Variants in VARS1 observed in about 807,000 individuals in gnomAD.
VARS1 encodes the protein valine--tRNA ligase.
Under a neutral mutation model 161.0 loss-of-function variants are expected in VARS1, and 92 were observed. That is an observed-to-expected ratio of 0.57 (90% CI 0.48 to 0.68). The LOEUF (loss-of-function observed/expected upper bound fraction) is 0.68, where lower values mean the gene tolerates loss of function less well. VARS1 is among the 30% of genes least tolerant of loss of function. The pLI, the probability that VARS1 is intolerant of heterozygous loss-of-function variation, is 0.00. For synonymous variants in VARS1, 595 were observed against 682.5 expected (o/e 0.87, Z 2.00); for missense variants, 1,338 against 1,695.9 (o/e 0.79, Z 3.71).
chr6:31,790,181 C>T (rs948457482), intron 8 of VARS1, among the ~76,000 whole-genome samples: 2 of 151,620 alleles, frequency 1.3e-5, no homozygotes, highest in African/African-American at 4.8e-5. Context: ...CATTCAAAGC[C>T]GTCCTGGGCC....
intron 13 of VARS1, 36 bp from the exon 14 acceptor site, chr6:31,783,222 G>A (rs1813278919): frequency 6.2e-7 from 1 of 1,600,472 alleles, no homozygotes; most frequent in Non-Finnish European, 8.5e-7. Context: ...GCATGAAGCA[G>A]GGCCAGACGC....
rs1196059203 is a variant in VARS1, at chr6:31,783,110, A to C, written c.1748T>G (p.Met583Arg). Residue 583 changes from methionine to arginine, a missense_variant, in exon 14 of 30, where the codon ATG becomes AGG. This residue lies in a region of VARS1 where 902 missense variants were observed against 1,090.3 expected (regional missense o/e 0.83). Coordinates refer to ENST00000375663, the MANE Select transcript of VARS1 (RefSeq NM_006295.3). ...CCCTTGCCCACCTGTGCCAAAGTCC[A>C]TGTCCACAAATTCATCGAAGACAAT... ...LPIVFDEFVD[M>R]DFGTGAVKIT... 6.2e-7 allele frequency: 1 copy of C among 1,612,518 alleles called. No individual in the cohort carries two copies. The highest frequency in any genetic ancestry group is 2.2e-5 in the East Asian group (1 of 44,896).
At position 31,782,508 on chromosome 6, in the gene VARS1, C is replaced by T. The variant is rs367760608; in HGVS notation, c.1991+22G>A. On this transcript the variant is annotated intron_variant, in intron 16 of 29. Coordinates refer to ENST00000375663, the MANE Select transcript of VARS1 (RefSeq NM_006295.3). The surrounding 1 kb of genome is among the most constrained non-coding windows in gnomAD (Gnocchi z 8.3). ...CCTGAGGAGCCCTCCATCTTCCTCC[C>T]GTCCCAGGCCCCCACCCTCACTTGC... 52 of 1,612,924 alleles carry T rather than the reference C, an allele frequency of 3.2e-5. No individual in the cohort carries two copies. The African/African-American group carries it at 5.5e-4, about 17-fold the overall frequency.
rs1226063376 is a variant in VARS1, at chr6:31,785,638, T to A, written c.1196A>T (p.Glu399Val). 6.2e-7 allele frequency: 1 copy of A among 1,613,020 alleles called. No individual in the cohort carries two copies. Among genetic ancestry groups the A allele is most frequent in the Non-Finnish European group, 8.5e-7 (1 of 1,180,014 alleles). Residue 399 changes from glutamate (E) to valine (V), a missense_variant, in exon 9 of 30, where the codon GAG (glutamate) becomes GTG (valine). Physicochemically the swap from Glu to Val is moderately radical, Grantham distance 121 (BLOSUM62 -2). This residue lies in a region of VARS1 where 902 missense variants were observed against 1,090.3 expected (regional missense o/e 0.83). Transcript: ENST00000375663. This position sits in a 1 kb window ranked among gnomAD's most constrained non-coding sequence, Gnocchi z 6.1. ...QVVVEKKLWR[E>V]QGLSRHQLGR... ...CAGCTGGTGCCGGCTCAGTCCCTGCTCACGCCATAGCTTCTTCTCCACCAC... is the reference window on the plus strand; with the variant it reads ...CAGCTGGTGCCGGCTCAGTCCCTGCACACGCCATAGCTTCTTCTCCACCAC...
At position 31,791,540 on chromosome 6, in the gene VARS1, G is replaced by C; in HGVS notation, c.1100+70C>G. 2 of 1,534,414 alleles carry C rather than the reference G, an allele frequency of 1.3e-6. No individual in the cohort carries two copies. Among genetic ancestry groups the C allele is most frequent in the South Asian group, 2.6e-5 (2 of 77,896 alleles). On this transcript the variant is annotated intron_variant, in intron 8 of 29. Coordinates refer to ENST00000375663, the MANE Select transcript of VARS1 (RefSeq NM_006295.3). This position sits in a 1 kb window ranked among gnomAD's most constrained non-coding sequence, Gnocchi z 5.0. ...AACCCAGAAGGAGAGAGGCTCGGGG[G>C]GCTGTCAGGGAAAAGGAGAGAGCCA...
chr6:31,783,090 G>A lies in VARS1; in HGVS notation c.1762+6C>T. On this transcript the variant is annotated splice_donor_region_variant and intron_variant, in intron 14 of 29. Coordinates refer to ENST00000375663, the MANE Select transcript of VARS1 (RefSeq NM_006295.3). ...CCTCTCCCCACAGGACCAGCCCCTT[G>A]CCCACCTGTGCCAAAGTCCATGTCC... is the stretch of plus-strand genomic sequence containing the variant. 6.2e-7 allele frequency: 1 copy of A among 1,612,134 alleles called. No individual in the cohort carries two copies. The highest frequency in any genetic ancestry group is 8.5e-7 in the Non-Finnish European group (1 of 1,179,644).
At chr6:31,787,241 T>C (rs1281913880) in intron 8 of VARS1, among the ~76,000 whole-genome samples, 1 of 151,778 alleles carries the variant, frequency 6.6e-6, no homozygotes, top group Non-Finnish European at 1.5e-5. Context: ...AACAAATAAA[T>C]AAAAATAAAA....
At position 31,779,981 on chromosome 6, in the gene VARS1, G is replaced by C; in HGVS notation, c.3081+17C>G. ...ACCTGCCCCCACCATCCCCTGCCCC[G>C]CTGTGCTCCTTCTCACCAAGTAGAC... On this transcript the variant is annotated intron_variant, in intron 26 of 29. Coordinates refer to ENST00000375663, the MANE Select transcript of VARS1 (RefSeq NM_006295.3). The surrounding 1 kb of genome is among the most constrained non-coding windows in gnomAD (Gnocchi z 9.1). 1.2e-6 allele frequency: 2 copies of C among 1,613,198 alleles called. No individual in the cohort carries two copies. The highest frequency in any genetic ancestry group is 1.7e-6 in the Non-Finnish European group (2 of 1,179,790).
Position 31,784,554 on chromosome 6 carries a change from G to C in VARS1, c.1467+41C>G, listed in dbSNP as rs775547474. On this transcript the variant is annotated intron_variant, in intron 11 of 29. Coordinates refer to ENST00000375663, the MANE Select transcript of VARS1 (RefSeq NM_006295.3). This position sits in a 1 kb window ranked among gnomAD's most constrained non-coding sequence, Gnocchi z 6.1. ...GCCCAGGGGCCAGGGCCAGGGCCAG[G>C]GTAGATTGGAGATGGAGACAGGCCA... The C allele has an allele frequency of 9.3e-6, 15 of 1,613,456 alleles. No individual in the cohort carries two copies. Among genetic ancestry groups the C allele is most frequent in the Non-Finnish European group, 1.2e-5 (14 of 1,180,050 alleles).
chr6:31,782,112 C>T lies in VARS1; in HGVS notation c.2216G>A (p.Ser739Asn). Reference sequence around the variant, plus strand: ...CTCCCCAGGGGGCACCGCTGGGTCACTGACAGTGACAAAGTAGGCTGGGAT... The same window carrying T: ...CTCCCCAGGGGGCACCGCTGGGTCATTGACAGTGACAAAGTAGGCTGGGAT... ...HRIPAYFVTVSDPAVPPGEDP... is the reference protein window; with the variant it reads ...HRIPAYFVTVNDPAVPPGEDP... Residue 739 changes from serine (S) to asparagine (N), a missense_variant, in exon 18 of 30, where the codon AGT becomes AAT. By Grantham distance (46) the Ser-to-Asn change is conservative. Transcript: ENST00000375663. The surrounding 1 kb of genome is among the most constrained non-coding windows in gnomAD (Gnocchi z 8.3). The T allele has an allele frequency of 6.2e-7, 1 of 1,613,890 alleles. No homozygotes were observed.
chr6:31,783,983 G>A (rs1459585876), intron 13 of VARS1, among the ~76,000 whole-genome samples: 8 of 152,124 alleles, frequency 5.3e-5, no homozygotes, highest in Non-Finnish European at 1.2e-4. Flanking sequence ...AAAAATGCAC[G>A]AAGGGCTGGG....
chr6:31,784,324 G>A lies in VARS1; in HGVS notation c.1577-16C>T, dbSNP rs772603870. On this transcript the variant is annotated splice_polypyrimidine_tract_variant and intron_variant, in intron 12 of 29. Transcript: ENST00000375663. This position sits in a 1 kb window ranked among gnomAD's most constrained non-coding sequence, Gnocchi z 6.1. ...TCGTCGCTATCTGGGGTGACAGAAG[G>A]CCTTGTGGTCTTGGCCTTGGCCCCT... 12 of 1,614,038 alleles carry A rather than the reference G, an allele frequency of 7.4e-6. No homozygotes were observed. The highest frequency in any genetic ancestry group is 1.0e-5 in the Non-Finnish European group (12 of 1,180,056).
In VARS1 at chr6:31,784,425, G is replaced by A. The variant is rs1196441603; in HGVS notation, c.1545C>T (p.Leu515=). 10 of 1,613,980 alleles carry A rather than the reference G, an allele frequency of 6.2e-6. No homozygotes were observed. Among genetic ancestry groups the A allele is most frequent in the Middle Eastern group, 1.6e-4 (1 of 6,084 alleles). Residue 515 remains leucine, a synonymous_variant, in exon 12 of 30, where the codon CTC becomes CTT. Coordinates refer to ENST00000375663, the MANE Select transcript of VARS1 (RefSeq NM_006295.3). The surrounding 1 kb of genome is among the most constrained non-coding windows in gnomAD (Gnocchi z 6.1). The stretch of plus-strand genomic sequence containing the variant: ...CTTGGACCTTATAGGCAAAGGACAC[G>A]AGGACCCCGAACTCCACCTTCTCCT... ...GYKEKVEFGV[L]VSFAYKVQGS...
chr6:31,782,071 C>G lies in VARS1; in HGVS notation c.2241+16G>C. The G allele has an allele frequency of 1.2e-6, 2 of 1,612,860 alleles. No homozygotes were observed. Among genetic ancestry groups the G allele is most frequent in the Non-Finnish European group, 1.7e-6 (2 of 1,179,364 alleles). ...CAGCAGGGTGTCCCAGCAGCTAGCT[C>G]TGGCCCTCTGCTCACCTCCCCAGGG... is the stretch of plus-strand genomic sequence containing the variant. On this transcript the variant is annotated intron_variant, in intron 18 of 29. Transcript: ENST00000375663. The surrounding 1 kb of genome is among the most constrained non-coding windows in gnomAD (Gnocchi z 8.3).
Position 31,781,624 on chromosome 6 carries a change from T to C in VARS1, c.2419-18A>G. 1 of 1,612,512 alleles carries C rather than the reference T, an allele frequency of 6.2e-7. No individual in the cohort carries two copies. The highest frequency in any genetic ancestry group is 8.5e-7 in the Non-Finnish European group (1 of 1,179,880). ...TCTTCTGACTGAGGGCAGACCAGGG[T>C]GTGAAGGGGAGCCAACACCCACCCT... is the stretch of plus-strand genomic sequence containing the variant. On this transcript the variant is annotated intron_variant, in intron 20 of 29. Coordinates refer to ENST00000375663, the MANE Select transcript of VARS1 (RefSeq NM_006295.3). The surrounding 1 kb of genome is among the most constrained non-coding windows in gnomAD (Gnocchi z 6.8).
Position 31,784,368 on chromosome 6 carries a change from A to T in VARS1, c.1576+26T>A, listed in dbSNP as rs909201290. The T allele has an allele frequency of 6.8e-6, 11 of 1,614,164 alleles. No homozygotes were observed. The highest frequency in any genetic ancestry group is 9.3e-6 in the Non-Finnish European group (11 of 1,180,034). ...GGCCCCTTCCTGCCACTCCCAGCCCAGGATCCTGGTGCCCCTGGCTCCTAC... is the reference window on the plus strand; with the variant it reads ...GGCCCCTTCCTGCCACTCCCAGCCCTGGATCCTGGTGCCCCTGGCTCCTAC... On this transcript the variant is annotated intron_variant, in intron 12 of 29. Coordinates refer to ENST00000375663, the MANE Select transcript of VARS1 (RefSeq NM_006295.3). The surrounding 1 kb of genome is among the most constrained non-coding windows in gnomAD (Gnocchi z 6.1).
intron 8 of VARS1, among the ~76,000 whole-genome samples, chr6:31,786,295 G>A (rs1813499671): frequency 2.0e-5 from 3 of 151,830 alleles, no homozygotes; most frequent in Admixed American, 1.3e-4. Flanking sequence ...AAGAAGCAGG[G>A]GTGGAGCTGG....
chr6:31,784,393 C>T lies in VARS1; in HGVS notation c.1576+1G>A, dbSNP rs1813355530. 2 of 1,614,186 alleles carry T rather than the reference C, an allele frequency of 1.2e-6. No individual in the cohort carries two copies. The highest frequency in any genetic ancestry group is 8.5e-7 in the Non-Finnish European group (1 of 1,180,042). On this transcript the variant is annotated splice_donor_variant, in intron 12 of 29. Transcript: ENST00000375663. LOFTEE classifies it high-confidence loss of function. The surrounding 1 kb of genome is among the most constrained non-coding windows in gnomAD (Gnocchi z 6.1). ...AGGATCCTGGTGCCCCTGGCTCCTACCTGAGCCTTGGACCTTATAGGCAAA... is the reference window on the plus strand; with the variant it reads ...AGGATCCTGGTGCCCCTGGCTCCTATCTGAGCCTTGGACCTTATAGGCAAA...
Position 31,780,754 on chromosome 6 carries a change from T to A in VARS1, c.2748A>T (p.Glu916Asp). 6.2e-7 allele frequency: 1 copy of A among 1,614,150 alleles called. No homozygotes were observed. The highest frequency in any genetic ancestry group is 8.5e-7 in the Non-Finnish European group (1 of 1,180,004). The change falls in exon 24 of 30, where the codon GAA becomes GAT. Residue 916 changes from glutamate to aspartate, a missense_variant. This residue lies in a region of VARS1 where 433 missense variants were observed against 586.2 expected (regional missense o/e 0.74). Coordinates refer to ENST00000375663, the MANE Select transcript of VARS1 (RefSeq NM_006295.3). This position sits in a 1 kb window ranked among gnomAD's most constrained non-coding sequence, Gnocchi z 5.1. ...CAAACCGGAGAGCATCGGTGCCACA[T>A]TCAGGAATCCCCGCTGGGAAGTCAG... ...QKADFPAGIP[E>D]CGTDALRFGL...
Sources: gnomAD v4.1 joint callset for allele counts (sites outside exome capture counted in the v4.1 genomes callset) on GRCh38, gnomAD v4.1.1 for gene constraint, gnomAD v4.1.1 regional missense constraint, Gnocchi (gnomAD v3.1) non-coding constraint, MANE v1.5 for transcripts, NCBI Gene and HGNC (gene_info 2026-07-23, HGNC 2026-07-21) for gene names.